Variants in FAM184B observed in about 807,000 individuals in gnomAD.
FAM184B encodes protein FAM184B.
Under a neutral mutation model 135.9 loss-of-function variants are expected in FAM184B, and 111 were observed. The observed-to-expected ratio is 0.82, with a 90% confidence interval of 0.70 to 0.96. The LOEUF is 0.96. FAM184B is among the 40% of genes least tolerant of loss of function. FAM184B has a pLI of 0.00. For missense variants in FAM184B, 1,375 were observed against 1,323.9 expected (o/e 1.04, Z -0.60); for synonymous variants, 552 against 524.8 (o/e 1.05, Z -0.71).
Position 17,709,071 on chromosome 4 carries a change from A to T in FAM184B, c.715T>A (p.Ser239Thr). The T allele has an allele frequency of 6.5e-7, 1 of 1,550,024 alleles. No homozygotes were observed. Among genetic ancestry groups the T allele is most frequent in the Non-Finnish European group, 8.7e-7 (1 of 1,146,898 alleles). ...NEAIRQAMQQ[S>T]VSQALWQWQE... ...CACTGCCACAGGGCCTGGCTCACCG[A>T]CTGCTGCATGGCCTGCCGGATGGCC... The change falls in exon 2 of 18, where the codon TCG (serine) becomes ACG (threonine). Residue 239 changes from serine to threonine, a missense_variant. Coordinates refer to ENST00000265018, the MANE Select transcript of FAM184B (RefSeq NM_015688.2).
At chr4:17,662,921 G>A (rs1007649106) in intron 8 of FAM184B, among the ~76,000 whole-genome samples, 2 of 152,034 alleles carry the variant, frequency 1.3e-5, no homozygotes, top group Non-Finnish European at 2.9e-5. Context: ...ATGTGCATAT[G>A]AGCCACTCAC....
chr4:17,723,174 A>C (rs1320530437), intron 1 of FAM184B, among the ~76,000 whole-genome samples: 1 of 152,082 alleles, frequency 6.6e-6, no homozygotes, highest in Admixed American at 6.6e-5. Flanking sequence ...TACAAGGTAA[A>C]CCCCGCAGCA....
At chr4:17,726,291 T>G (rs889311983) in intron 1 of FAM184B, among the ~76,000 whole-genome samples, 1 of 152,142 alleles carries the variant, frequency 6.6e-6, no homozygotes, top group Non-Finnish European at 1.5e-5. Context: ...TAAAGGAAAT[T>G]TATTGGCTCA....
chr4:17,726,236 C>G (rs981275532), intron 1 of FAM184B, among the ~76,000 whole-genome samples: 3 of 152,028 alleles, frequency 2.0e-5, no homozygotes, highest in Non-Finnish European at 4.4e-5. Flanking sequence ...CTAATCAAAA[C>G]TCTTCTATAT....
At chr4:17,651,364 C>T (rs1404342007) in intron 11 of FAM184B, among the ~76,000 whole-genome samples, 8 of 151,702 alleles carry the variant, frequency 5.3e-5, no homozygotes, top group Non-Finnish European at 1.0e-4. Context: ...GGTGAAACCT[C>T]GTCTCTACTA....
At chr4:17,731,669 T>C (rs1717778728) in intron 1 of FAM184B, among the ~76,000 whole-genome samples, 2 of 152,200 alleles carry the variant, frequency 1.3e-5, no homozygotes, top group Non-Finnish European at 1.5e-5. Flanking sequence ...AGCACTCAGA[T>C]TCACAAAGCA....
chr4:17,760,604 CA>C (rs1340983715), intron 1 of FAM184B, among the ~76,000 whole-genome samples: 2 of 152,062 alleles, frequency 1.3e-5, no homozygotes, highest in African/African-American at 4.8e-5. Context: ...AATAAACAAG[CA>C]AAAAGGACAC....
At chr4:17,687,425 T>A (rs1247288977) in intron 7 of FAM184B, among the ~76,000 whole-genome samples, 1 of 152,216 alleles carries the variant, frequency 6.6e-6, no homozygotes, top group Non-Finnish European at 1.5e-5. Context: ...AGATTATTTA[T>A]ATTGCTGACA....
At chr4:17,686,124 C>T (rs1716580131) in intron 7 of FAM184B, among the ~76,000 whole-genome samples, 1 of 152,212 alleles carries the variant, frequency 6.6e-6, no homozygotes, top group East Asian at 1.9e-4. Flanking sequence ...CTCAGGACAA[C>T]CTTTCTGGGA....
At chr4:17,762,339 A>C (rs1718565863) in intron 1 of FAM184B, among the ~76,000 whole-genome samples, 1 of 152,208 alleles carries the variant, frequency 6.6e-6, no homozygotes, top group South Asian at 2.1e-4. Flanking sequence ...CTTAAATTCA[A>C]TGACTTACAA....
At chr4:17,642,612 A>G (rs1320621342) in intron 12 of FAM184B, among the ~76,000 whole-genome samples, 1 of 152,030 alleles carries the variant, frequency 6.6e-6, no homozygotes, top group Non-Finnish European at 1.5e-5. Context: ...CCTACCTCTC[A>G]GGGGGAACTG....
At chr4:17,749,607 T>C (rs568414650) in intron 1 of FAM184B, among the ~76,000 whole-genome samples, 3 of 152,282 alleles carry the variant, frequency 2.0e-5, no homozygotes, top group Admixed American at 2.0e-4. Context: ...ATGGCCTGCA[T>C]TTGTTGCCAT....
chr4:17,684,101 A>ATG (rs1491011973), intron 7 of FAM184B, among the ~76,000 whole-genome samples: 27 of 102,310 alleles, frequency 2.6e-4, no homozygotes, highest in Non-Finnish European at 4.4e-4. Context: ...TTACTATTAT[A>ATG]TTATAGTATA....
chr4:17,772,600 T>A (rs2108998172), intron 1 of FAM184B, among the ~76,000 whole-genome samples: 1 of 152,366 alleles, frequency 6.6e-6, no homozygotes, highest in Middle Eastern at 3.4e-3. Flanking sequence ...GCTAGACTCA[T>A]CCTAAGATCT....
At position 17,658,275 on chromosome 4, in the gene FAM184B, G is replaced by C. The variant is rs16895400; in HGVS notation, c.2037+75C>G. The C allele has an allele frequency of 0.013, 17,125 of 1,293,054 alleles. 1,770 individuals are homozygous for C. The African/African-American group carries it at 0.22, about 17-fold the overall frequency. The allele number at this position is 1,293,054 out of a possible 1,614,324, so 80.1% of individuals were successfully genotyped here. A position where few individuals can be genotyped will look rare whatever the true frequency, so the allele number is the denominator to read the frequency against. On this transcript the variant is annotated intron_variant, in intron 10 of 17. Coordinates refer to ENST00000265018, the MANE Select transcript of FAM184B (RefSeq NM_015688.2). ...GGGGGATTGGATGTCATGTAGAAAAGGGACGGCTTTGTGCATGGCAGTTCT... is the reference window on the plus strand; with the variant it reads ...GGGGGATTGGATGTCATGTAGAAAACGGACGGCTTTGTGCATGGCAGTTCT...
chr4:17,659,883 A>G, intron 9 of FAM184B, 75 bp downstream of exon 9: 1 of 1,525,154 alleles, frequency 6.6e-7, no homozygotes, highest in Non-Finnish European at 8.9e-7. Context: ...CAGGCCCTGC[A>G]TGCATTTCCA....
At chr4:17,778,159 A>C (rs931176604) in intron 1 of FAM184B, among the ~76,000 whole-genome samples, 6 of 152,220 alleles carry the variant, frequency 3.9e-5, no homozygotes, top group African/African-American at 1.4e-4. Flanking sequence ...GCTGGACAGT[A>C]AAAATAAACA....
Position 17,658,439 on chromosome 4 carries a change from G to A in FAM184B, c.1948C>T (p.Gln650Ter), listed in dbSNP as rs1350356354. 1.9e-6 allele frequency: 3 copies of A among 1,551,588 alleles called. No homozygotes were observed. Among genetic ancestry groups the A allele is most frequent in the South Asian group, 1.2e-5 (1 of 84,052 alleles). The change falls in exon 10 of 18, where the codon CAG becomes TAG. Residue 650 changes from glutamine (Q) to a stop codon, truncating the protein, a stop_gained. Coordinates refer to ENST00000265018, the MANE Select transcript of FAM184B (RefSeq NM_015688.2). LOFTEE classifies it high-confidence loss of function. ...TGGGCTTTCATGGCGTGGTTCTGCT[G>A]AGTGGTCTCCTGGAGCTCACGCTGC... is the stretch of plus-strand genomic sequence containing the variant. Reference protein sequence around the residue: ...KLQRELQETTQQNHAMKAQLE... With the variant: ...KLQRELQETT
chr4:17,632,690 A>T, intron 17 of FAM184B, 65 bp from the exon 18 acceptor site: 1 of 1,076,806 alleles, frequency 9.3e-7, no homozygotes, highest in East Asian at 2.7e-5. Flanking sequence ...CTTAATACCC[A>T]CCATCTTTTC....
Sources: gnomAD v4.1 joint callset for allele counts (sites outside exome capture counted in the v4.1 genomes callset) on GRCh38, gnomAD v4.1.1 for gene constraint, MANE v1.5 for transcripts, NCBI Gene and HGNC (gene_info 2026-07-23, HGNC 2026-07-21) for gene names.